The following FAM227A variants were observed in gnomAD, a reference collection of about 807,000 sequenced individuals.
FAM227A encodes family with sequence similarity 227 member A.
A neutral mutation model predicts 74.7 loss-of-function variants in FAM227A; 80 were observed. The ratio of observed to expected loss-of-function variants is 1.07; its 90% CI spans 0.89 to 1.29. The LOEUF (loss-of-function observed/expected upper bound fraction) is 1.29. Ranked by LOEUF, FAM227A falls within the 50% of genes most tolerant of loss-of-function variation. The probability of loss-of-function intolerance (pLI) is 0.00; values close to 1 mark genes in which losing one functional copy is unlikely to be tolerated. For missense variants in FAM227A, 654 were observed against 683.4 expected (o/e 0.96, Z 0.48); for synonymous variants, 237 against 241.8 (o/e 0.98, Z 0.19).
intron 15 of FAM227A, among the ~76,000 whole-genome samples, 182 bp downstream of exon 15, chr22:38,597,019 TAAC>T (rs760822394): frequency 3.8e-4 from 58 of 151,906 alleles, no homozygotes; most frequent in Non-Finnish European, 4.0e-4. Context: ...AAAAAAAAAA[TAAC>T]AACAAAAAAA....
Position 38,579,151 on chromosome 22 carries a change from A to G in FAM227A, c.*6974T>C, listed in dbSNP as rs2090685420. On this transcript the variant is annotated 3_prime_UTR_variant, in exon 17 of 17. Coordinates refer to ENST00000535113, the MANE Select transcript of FAM227A (RefSeq NM_001013647.2). ...ATCTTGACTTTATTTTCCTGTCATA[A>G]GTACACATAGGAGCAGCAACTAAGC... 6.6e-6 allele frequency: 1 copy of G among 152,234 alleles called. No homozygotes were observed. Among genetic ancestry groups the G allele is most frequent in the African/African-American group, 2.4e-5 (1 of 41,454 alleles). 9.4% of individuals were successfully genotyped at this position (152,234 alleles called of 1,614,324 possible).
rs75974582 is a variant in FAM227A, at chr22:38,634,851, G to A, written c.519+1600C>T. On this transcript the variant is annotated intron_variant, in intron 6 of 16. Transcript: ENST00000535113. ...GCAAACAGCACTGTCATTCTGGGCAGTGACTGGCCCAAACAGATCATCTCT... is the reference window on the plus strand; with the variant it reads ...GCAAACAGCACTGTCATTCTGGGCAATGACTGGCCCAAACAGATCATCTCT... Among the ~76,000 whole-genome samples the A allele has an allele frequency of 6.0e-3, 907 of 152,316 alleles. 6 individuals are homozygous for A. Among genetic ancestry groups the A allele is most frequent in the African/African-American group, 0.021 (878 of 41,584 alleles).
At chr22:38,621,381 A>T (rs9607555) in intron 10 of FAM227A, among the ~76,000 whole-genome samples, 10 of 151,024 alleles carry the variant, frequency 6.6e-5, no homozygotes, top group Non-Finnish European at 1.0e-4. Flanking sequence ...AAGAAAAGAA[A>T]ACAAGAAAAA....
intron 2 of FAM227A, among the ~76,000 whole-genome samples, chr22:38,647,752 G>A (rs896370449): frequency 6.6e-6 from 1 of 152,016 alleles, no homozygotes; most frequent in Admixed American, 6.6e-5. Flanking sequence ...TTCACATAAA[G>A]CAAGGTTCAC....
At chr22:38,645,452 A>C in intron 3 of FAM227A, 111 bp downstream of exon 3, 1 of 678,614 alleles carries the variant, frequency 1.5e-6, no homozygotes, top group Non-Finnish European at 2.6e-6. Context: ...TCAATTGTGT[A>C]AACATGTTTT....
intron 14 of FAM227A, among the ~76,000 whole-genome samples, chr22:38,597,565 C>T (rs535989525): frequency 6.6e-6 from 1 of 152,320 alleles, no homozygotes; most frequent in Non-Finnish European, 1.5e-5. Flanking sequence ...AAGAGGCCAT[C>T]CTATCCGTGG....
rs548557768 is a variant in FAM227A at position 38,617,528 on chromosome 22, C to T, written c.1038+2684G>A. 1.6e-4 allele frequency among the ~76,000 whole-genome samples: 24 copies of T among 152,282 alleles called. No individual in the cohort carries two copies. In the South Asian group the frequency reaches 4.6e-3, roughly 29 times the overall value. ...GCTAAGATGGTCTCGATCTCCTGAC[C>T]TTGTAATCCGCCTGCCTTGGACTCC... On this transcript the variant is annotated intron_variant, in intron 11 of 16. Coordinates refer to ENST00000535113, the MANE Select transcript of FAM227A (RefSeq NM_001013647.2).
chr22:38,653,372 T>C (rs1454932395), intron 1 of FAM227A, among the ~76,000 whole-genome samples: 1 of 147,208 alleles, frequency 6.8e-6, no homozygotes, highest in East Asian at 2.0e-4. Flanking sequence ...ACAATGAATG[T>C]AATGCTTTTT....
Position 38,628,884 on chromosome 22 carries a change from T to C in FAM227A, c.571A>G (p.Arg191Gly). 6.5e-7 allele frequency: 1 copy of C among 1,547,896 alleles called. No individual in the cohort carries two copies. The highest frequency in any genetic ancestry group is 1.7e-4 in the Middle Eastern group (1 of 5,990). ...CAAAAGCTATCCAGCCAGATGGCTC[T>C]TGGAGAAGAAGAAGAGAGAAACTTC... Reference protein sequence around the residue: ...LEKFLSSSSPRAIWLDSFWWI... With the variant: ...LEKFLSSSSPGAIWLDSFWWI... Residue 191 changes from arginine to glycine, a missense_variant, in exon 7 of 17, where the codon AGA becomes GGA. By Grantham distance (125) the Arg-to-Gly change is moderately radical (BLOSUM62 -2). Transcript: ENST00000535113.
rs554685344 is a variant in FAM227A at position 38,638,934 on chromosome 22, T to C, written c.296-112A>G. On this transcript the variant is annotated intron_variant, in intron 4 of 16. Coordinates refer to ENST00000535113, the MANE Select transcript of FAM227A (RefSeq NM_001013647.2). The stretch of plus-strand genomic sequence containing the variant: ...CACTTGAGCTGCCAGAGGACACTCC[T>C]ACTACTAGTCTCATAGGTCCCAACT... The C allele has an allele frequency of 1.8e-5, 12 of 649,034 alleles. No individual in the cohort carries two copies. In the South Asian group the frequency reaches 2.2e-4, roughly 12 times the overall value. The allele number at this position is 649,034 out of a possible 1,614,324, so 40.2% of individuals were successfully genotyped here. A position where few individuals can be genotyped will look rare whatever the true frequency, so the allele number is the denominator to read the frequency against.
At chr22:38,612,935 G>A (rs887982323) in intron 11 of FAM227A, among the ~76,000 whole-genome samples, 1 of 148,448 alleles carries the variant, frequency 6.7e-6, no homozygotes, top group Non-Finnish European at 1.5e-5. Flanking sequence ...AGCTAGAGTG[G>A]ATTCTACAGT....
At chr22:38,649,303 G>A (rs973204042) in intron 2 of FAM227A, among the ~76,000 whole-genome samples, 1 of 152,186 alleles carries the variant, frequency 6.6e-6, no homozygotes, top group Non-Finnish European at 1.5e-5. Context: ...GGTGGCTCAT[G>A]CCTGTAATCC....
Position 38,647,378 on chromosome 22 carries a change from C to A in FAM227A, c.143-1733G>T, listed in dbSNP as rs1015672159. On this transcript the variant is annotated intron_variant, in intron 2 of 16. Transcript: ENST00000535113. ...TACTTGAGCGCTGAGGCAGGAGAAT[C>A]TCTTGAACCCAGGAGGCGGACGTTG... Among the ~76,000 whole-genome samples, 3 of 151,886 alleles carry A rather than the reference C, an allele frequency of 2.0e-5. No homozygotes were observed. The East Asian group carries it at 5.8e-4, about 29-fold the overall frequency.
Position 38,649,977 on chromosome 22 carries a change from CAAGTT to C in FAM227A, c.142+45_142+49del, listed in dbSNP as rs771127138. 46 of 1,534,122 alleles carry C rather than the reference CAAGTT, an allele frequency of 3.0e-5. No individual in the cohort carries two copies. In the African/African-American group the frequency reaches 4.3e-4, roughly 14 times the overall value. On this transcript the variant is annotated intron_variant, in intron 2 of 16. Coordinates refer to ENST00000535113, the MANE Select transcript of FAM227A (RefSeq NM_001013647.2). Reference sequence around the variant, plus strand: ...CTGATTAGATCTCTGTGGCATGACTCAAGTTAGGTGTATTTGGTCTGATTGTAGGT... The same window carrying C: ...CTGATTAGATCTCTGTGGCATGACTCAGGTGTATTTGGTCTGATTGTAGGT...
At chr22:38,622,239 G>A (rs1368587059) in intron 10 of FAM227A, among the ~76,000 whole-genome samples, 1 of 152,226 alleles carries the variant, frequency 6.6e-6, no homozygotes, top group Non-Finnish European at 1.5e-5. Flanking sequence ...GGGTAGCCCT[G>A]CTCTGCAGAA....
At chr22:38,623,999 G>A (rs1316898059) in intron 9 of FAM227A, among the ~76,000 whole-genome samples, 2 of 152,192 alleles carry the variant, frequency 1.3e-5, no homozygotes, top group Admixed American at 6.5e-5. Flanking sequence ...GTAAGAAGGT[G>A]TAGCCTTGGA....
At chr22:38,651,663 C>G (rs573535917) in intron 1 of FAM227A, among the ~76,000 whole-genome samples, 1 of 152,154 alleles carries the variant, frequency 6.6e-6, no homozygotes, top group South Asian at 2.1e-4. Context: ...CTCCCAGCCC[C>G]TTCTGAATAT....
intron 6 of FAM227A, among the ~76,000 whole-genome samples, chr22:38,632,426 G>A (rs116682693): frequency 0.017 from 2,634 of 152,122 alleles, 74 homozygotes; most frequent in African/African-American, 0.061. Flanking sequence ...CAGTCCTTTC[G>A]CCCCCTCTCT....
At chr22:38,611,030 A>C (rs540323046) in intron 11 of FAM227A, among the ~76,000 whole-genome samples, 3 of 152,310 alleles carry the variant, frequency 2.0e-5, no homozygotes, top group African/African-American at 7.2e-5. Context: ...ATTGCACTCC[A>C]GCCTGGGTGA....
Sources: gnomAD v4.1 joint callset for allele counts (sites outside exome capture counted in the v4.1 genomes callset) on GRCh38, gnomAD v4.1.1 for gene constraint, MANE v1.5 for transcripts, NCBI Gene and HGNC (gene_info 2026-07-23, HGNC 2026-07-21) for gene names.